Variants in SGCG observed in about 807,000 individuals in gnomAD.
The protein encoded by SGCG is sarcoglycan gamma.
Under a neutral mutation model 29.3 loss-of-function variants are expected in SGCG, and 26 were observed. The observed-to-expected ratio is 0.89, with a 90% CI of 0.65 to 1.23. The LOEUF is 1.23. Ranked by LOEUF, SGCG falls within the 50% of genes most tolerant of loss-of-function variation. SGCG has a pLI of 0.00. For missense variants in SGCG, 353 were observed against 356.0 expected (o/e 0.99, Z 0.07); for synonymous variants, 145 against 129.7 (o/e 1.12, Z -0.80).
At chr13:23,283,916 A>C (rs1222276429) in intron 5 of SGCG, among the ~76,000 whole-genome samples, 4 of 152,176 alleles carry the variant, frequency 2.6e-5, no homozygotes, top group Admixed American at 2.6e-4. Context: ...TTTCTTTAAG[A>C]ATGTTGAATG....
the SGCG span, chr13:23,170,069 A>T: frequency 3.9e-5 from 6 of 152,294 alleles, no homozygotes; most frequent in South Asian, 1.2e-3. Flanking sequence ...GCAGAAATAA[A>T]AGTAGTGGAA....
At chr13:23,278,620 G>C (rs777425916) in intron 4 of SGCG, among the ~76,000 whole-genome samples, 2 of 152,168 alleles carry the variant, frequency 1.3e-5, no homozygotes, top group Admixed American at 6.5e-5. Flanking sequence ...CCTGAGGTGC[G>C]TGTGTAGCTG....
chr13:23,176,283 T>A (rs79404428), upstream of SGCG, among the ~76,000 whole-genome samples: 4,864 of 152,220 alleles, frequency 0.032, 269 homozygotes, highest in African/African-American at 0.11. Context: ...TCACTACATG[T>A]AGACATTGAA....
chr13:23,255,861 C>CT (rs2137577346), intron 4 of SGCG, among the ~76,000 whole-genome samples: 1 of 152,206 alleles, frequency 6.6e-6, no homozygotes, highest in East Asian at 1.9e-4. Flanking sequence ...ATTTAAAAAG[C>CT]TGAAAGAAAG....
chr13:23,314,456 GT>G (rs1566044586), intron 6 of SGCG, among the ~76,000 whole-genome samples: 1 of 118,930 alleles, frequency 8.4e-6, no homozygotes, highest in Non-Finnish European at 1.7e-5. Flanking sequence ...ATATATAAAG[GT>G]ATATATATAT....
the SGCG span, among the ~76,000 whole-genome samples, chr13:23,170,254 A>T: frequency 3.3e-4 from 50 of 152,360 alleles, 1 homozygote; most frequent in South Asian, 0.01. Context: ...GCTGGGTGAT[A>T]TATTTAATGT....
At chr13:23,270,188 G>A (rs1201935024) in intron 4 of SGCG, among the ~76,000 whole-genome samples, 1 of 152,116 alleles carries the variant, frequency 6.6e-6, no homozygotes, top group East Asian at 1.9e-4. Context: ...TTGTTTTCTT[G>A]GAGGTATATC....
chr13:23,188,311 CTTTTTTTTTT>C (rs71100159), intron 1 of SGCG, among the ~76,000 whole-genome samples: 6 of 78,368 alleles, frequency 7.7e-5, no homozygotes, highest in Admixed American at 1.7e-4. Context: ...TTTACTAAGG[CTTTTTTTTTT>C]TTTTTTTTTT....
At chr13:23,257,900 G>A (rs893306533) in intron 4 of SGCG, among the ~76,000 whole-genome samples, 15 of 152,042 alleles carry the variant, frequency 9.9e-5, no homozygotes, top group South Asian at 2.1e-4. Context: ...TGTTCCATTG[G>A]TCTATATATC....
intron 4 of SGCG, among the ~76,000 whole-genome samples, chr13:23,255,772 C>T (rs1880153297): frequency 6.6e-6 from 1 of 152,168 alleles, no homozygotes; most frequent in South Asian, 2.1e-4. Flanking sequence ...ATTAGCATGC[C>T]TTTCCTACTT....
chr13:23,162,051 A>C, the SGCG span, among the ~76,000 whole-genome samples: 11 of 152,260 alleles, frequency 7.2e-5, no homozygotes. Flanking sequence ...TACATAACAG[A>C]CTATAAAATC....
intron 6 of SGCG, among the ~76,000 whole-genome samples, chr13:23,311,430 A>G (rs1202608044): frequency 1.3e-5 from 2 of 152,230 alleles, no homozygotes; most frequent in Admixed American, 6.5e-5. Context: ...TCTAGAGGGT[A>G]GAGGTTTTTC....
intron 1 of SGCG, 146 bp from the exon 2 acceptor site, chr13:23,203,549 T>C (rs1877852799): frequency 2.9e-6 from 2 of 684,322 alleles, no homozygotes; most frequent in Non-Finnish European, 5.3e-6. Flanking sequence ...TTTAATTATC[T>C]TTTTAAAAAT....
chr13:23,221,713 G>A (rs896170353), intron 2 of SGCG, among the ~76,000 whole-genome samples: 1 of 152,212 alleles, frequency 6.6e-6, no homozygotes, highest in Non-Finnish European at 1.5e-5. Context: ...ATGGTTTAAG[G>A]AGGTTAGGAA....
At chr13:23,230,992 C>T (rs192778466) in intron 2 of SGCG, among the ~76,000 whole-genome samples, 1 of 152,220 alleles carries the variant, frequency 6.6e-6, no homozygotes, top group East Asian at 1.9e-4. Flanking sequence ...AGTTTTAGCA[C>T]GAAAGGGTGT....
intron 2 of SGCG, among the ~76,000 whole-genome samples, chr13:23,224,381 G>A (rs575010764): frequency 1.3e-5 from 2 of 151,900 alleles, no homozygotes; most frequent in African/African-American, 2.4e-5. Flanking sequence ...TTCTCCTGCC[G>A]AAGTATGAAT....
chr13:23,283,596 G>A (rs1205179549), intron 5 of SGCG, among the ~76,000 whole-genome samples: 4 of 151,998 alleles, frequency 2.6e-5, no homozygotes, highest in Non-Finnish European at 4.4e-5. Context: ...TTTTAATTGG[G>A]GCATTTAGCC....
intron 3 of SGCG, among the ~76,000 whole-genome samples, chr13:23,248,735 G>C (rs1431107074): frequency 6.7e-6 from 1 of 150,368 alleles, no homozygotes; most frequent in Non-Finnish European, 1.5e-5. Flanking sequence ...GCTGATGCCT[G>C]TAATCCCAGC....
chr13:23,293,567 C>T (rs1740213626), intron 5 of SGCG, among the ~76,000 whole-genome samples: 1 of 152,164 alleles, frequency 6.6e-6, no homozygotes, highest in Admixed American at 6.5e-5. Context: ...CGGTGGCTCA[C>T]GCCTATAATC....
Sources: gnomAD v4.1 joint callset for allele counts (sites outside exome capture counted in the v4.1 genomes callset) on GRCh38, gnomAD v4.1.1 for gene constraint, MANE v1.5 for transcripts, NCBI Gene and HGNC (gene_info 2026-07-23, HGNC 2026-07-21) for gene names.